PRR16: variants seen among roughly 807,000 people sequenced by gnomAD.
PRR16 encodes the protein proline rich 16.
Under a neutral mutation model 18.2 loss-of-function variants are expected in PRR16, and 6 were observed. That is an observed-to-expected ratio of 0.33 (90% CI 0.18 to 0.65). PRR16 has a LOEUF of 0.65. PRR16 is among the 30% of genes least tolerant of loss of function. The pLI, the probability that PRR16 is intolerant of heterozygous loss-of-function variation, is 0.74. For synonymous variants in PRR16, 151 were observed against 147.8 expected (o/e 1.02, Z -0.16); for missense variants, 412 against 376.6 (o/e 1.09, Z -0.78).
intron 1 of PRR16, among the ~76,000 whole-genome samples, chr5:120,610,514 A>G (rs1754298280): frequency 6.6e-6 from 1 of 151,824 alleles, no homozygotes; most frequent in Non-Finnish European, 1.5e-5. Context: ...TGTGGGAGGG[A>G]CCCAGGGGAG....
In PRR16 at chr5:120,630,830, A is replaced by G. The variant is rs556704738; in HGVS notation, c.160-55124A>G. Among the ~76,000 whole-genome samples the G allele has an allele frequency of 1.6e-4, 25 of 152,256 alleles. No individual in the cohort carries two copies. The South Asian group carries it at 5.2e-3, about 32-fold the overall frequency. On this transcript the variant is annotated intron_variant, in intron 1 of 1. Transcript: ENST00000407149. ...TTTCCACACCAGCTCATTGGTTTGC[A>G]CTATCGTTCCTTGCCCTTGGAAAGT...
the PRR16 span, among the ~76,000 whole-genome samples, chr5:120,722,940 C>A: frequency 1.3e-5 from 2 of 151,196 alleles, no homozygotes; most frequent in African/African-American, 4.8e-5. Flanking sequence ...CATCTATACT[C>A]TCCATATATT....
chr5:120,555,599 G>A (rs938583212), intron 1 of PRR16, among the ~76,000 whole-genome samples: 1 of 151,646 alleles, frequency 6.6e-6, no homozygotes, highest in African/African-American at 2.4e-5. Flanking sequence ...TGGAAGGAGG[G>A]GGCCGTATCA....
intron 1 of PRR16, among the ~76,000 whole-genome samples, chr5:120,594,913 A>G (rs1188247449): frequency 6.6e-6 from 1 of 151,820 alleles, no homozygotes; most frequent in African/African-American, 2.4e-5. Flanking sequence ...TATGCAGAAA[A>G]TTGAAACTGG....
chr5:120,681,408 A>G (rs2150153958), intron 1 of PRR16, among the ~76,000 whole-genome samples: 1 of 152,322 alleles, frequency 6.6e-6, no homozygotes, highest in East Asian at 1.9e-4. Context: ...CACAACAAAG[A>G]CAATGAACTT....
chr5:120,762,770 C>T, the PRR16 span, among the ~76,000 whole-genome samples: 1 of 152,090 alleles, frequency 6.6e-6, no homozygotes, highest in African/African-American at 2.4e-5. Context: ...TGTGCAGAGG[C>T]ATTTAATTTA....
At chr5:120,767,516 G>GA in the PRR16 span, among the ~76,000 whole-genome samples, 2 of 151,888 alleles carry the variant, frequency 1.3e-5, no homozygotes, top group Non-Finnish European at 2.9e-5. Flanking sequence ...TGCAGCATTA[G>GA]CTGTTCTCCT....
At chr5:120,592,779 C>T (rs889405614) in intron 1 of PRR16, among the ~76,000 whole-genome samples, 1 of 152,076 alleles carries the variant, frequency 6.6e-6, no homozygotes, top group Non-Finnish European at 1.5e-5. Context: ...AATTTCATTA[C>T]ATTATTAACA....
At chr5:120,492,270 G>T (rs952546410) in intron 1 of PRR16, among the ~76,000 whole-genome samples, 7 of 149,986 alleles carry the variant, frequency 4.7e-5, no homozygotes, top group African/African-American at 1.7e-4. Flanking sequence ...GTGTGTGTGT[G>T]TGTGTGTGTG....
chr5:120,489,967 T>C (rs1445818068), intron 1 of PRR16, among the ~76,000 whole-genome samples: 14 of 152,324 alleles, frequency 9.2e-5, no homozygotes, highest in African/African-American at 3.4e-4. Flanking sequence ...TTTAAGAATG[T>C]TGAATATTGG....
chr5:120,745,572 T>C, the PRR16 span, among the ~76,000 whole-genome samples: 53 of 151,004 alleles, frequency 3.5e-4, no homozygotes, highest in Middle Eastern at 3.4e-3. Context: ...CAACAACAAA[T>C]ACTGTCTTTC....
chr5:120,712,275 A>G, the PRR16 span, among the ~76,000 whole-genome samples: 1 of 152,154 alleles, frequency 6.6e-6, no homozygotes, highest in Non-Finnish European at 1.5e-5. Context: ...ACAATACACA[A>G]TATGCAATAA....
the PRR16 span, among the ~76,000 whole-genome samples, chr5:120,750,072 G>GA: frequency 6.6e-6 from 1 of 152,042 alleles, no homozygotes; most frequent in Non-Finnish European, 1.5e-5. Flanking sequence ...ATTTTGTTGT[G>GA]AAAAATTGGG....
At chr5:120,645,661 G>A (rs746966759) in intron 1 of PRR16, among the ~76,000 whole-genome samples, 7 of 151,956 alleles carry the variant, frequency 4.6e-5, no homozygotes, top group Non-Finnish European at 8.8e-5. Flanking sequence ...GTGGTTTAAG[G>A]ATACATATGT....
intron 1 of PRR16, among the ~76,000 whole-genome samples, chr5:120,585,228 G>C (rs1405026360): frequency 6.6e-6 from 1 of 152,102 alleles, no homozygotes; most frequent in African/African-American, 2.4e-5. Context: ...TGAGTCAGTT[G>C]GGCTAACAGC....
intron 1 of PRR16, among the ~76,000 whole-genome samples, chr5:120,675,638 C>G (rs1235718169): frequency 6.6e-6 from 1 of 152,082 alleles, no homozygotes; most frequent in Non-Finnish European, 1.5e-5. Flanking sequence ...CTTCTTTACT[C>G]TCATTTAAAG....
intron 1 of PRR16, among the ~76,000 whole-genome samples, chr5:120,486,493 G>T (rs1395706832): frequency 6.6e-6 from 1 of 151,882 alleles, no homozygotes; most frequent in East Asian, 1.9e-4. Context: ...TTTTTGATGG[G>T]GTTGTTTTTT....
chr5:120,504,448 G>T (rs1268880717), intron 1 of PRR16, among the ~76,000 whole-genome samples: 1 of 152,156 alleles, frequency 6.6e-6, no homozygotes, highest in African/African-American at 2.4e-5. Flanking sequence ...AAATTGTGGG[G>T]ATATATCTAA....
chr5:120,482,729 A>G lies in PRR16; in HGVS notation c.159+18084A>G, dbSNP rs957482363. 2.0e-5 allele frequency among the ~76,000 whole-genome samples: 3 copies of G among 152,136 alleles called. 1 individual carries two copies. In the South Asian group the frequency reaches 6.2e-4, roughly 31 times the overall value. On this transcript the variant is annotated intron_variant, in intron 1 of 1. Coordinates refer to ENST00000407149, the MANE Select transcript of PRR16 (RefSeq NM_001300783.2). Reference sequence around the variant, plus strand: ...AACTGCTTTCCACAGTGACTGAACTAATTTATAGCTCCATCAGAGTAAGAA... The same window carrying G: ...AACTGCTTTCCACAGTGACTGAACTGATTTATAGCTCCATCAGAGTAAGAA...
Sources: allele counts gnomAD v4.1 joint callset (sites outside exome capture counted in the v4.1 genomes callset), GRCh38; gene constraint gnomAD v4.1.1; transcripts MANE v1.5; gene names NCBI Gene and HGNC (gene_info 2026-07-23, HGNC 2026-07-21).